FER: variants seen among roughly 807,000 people sequenced by gnomAD.
FER encodes the protein FER tyrosine kinase.
In FER, 63 loss-of-function variants were observed where a neutral mutation model predicts 111.0. That is an observed-to-expected ratio of 0.57 (90% CI 0.46 to 0.70). The LOEUF is 0.70. FER is among the 30% of genes least tolerant of loss of function. FER has a pLI of 0.00. For synonymous variants in FER, 327 were observed against 313.9 expected, an observed-to-expected ratio of 1.04 and a Z score of -0.44; for missense variants, 914 against 954.0, an observed-to-expected ratio of 0.96 and a Z score of 0.55.
chr5:109,010,236 C>G (rs1044883190), intron 13 of FER, among the ~76,000 whole-genome samples: 3 of 152,172 alleles, frequency 2.0e-5, no homozygotes, highest in Non-Finnish European at 4.4e-5. Context: ...CGGCCCACTG[C>G]AAGCTCCGCC....
intron 5 of FER, among the ~76,000 whole-genome samples, chr5:108,858,387 T>C (rs1056079129): frequency 6.6e-6 from 1 of 152,200 alleles, no homozygotes; most frequent in East Asian, 1.9e-4. Flanking sequence ...TTAAAGCTTT[T>C]TTTGTCTTTA....
intron 17 of FER, among the ~76,000 whole-genome samples, chr5:109,134,006 C>G (rs1462230376): frequency 6.6e-6 from 1 of 151,878 alleles, no homozygotes; most frequent in Non-Finnish European, 1.5e-5. Flanking sequence ...TAATTTTTCT[C>G]TCTTCCTAAG....
chr5:109,186,385 G>T, intron 19 of FER, 63 bp downstream of exon 19: 1 of 1,612,330 alleles, frequency 6.2e-7, no homozygotes, highest in Non-Finnish European at 8.5e-7. Context: ...AGTGCTTATA[G>T]TGTGTCTGCT....
At chr5:109,072,126 A>G (rs1003559648) in intron 16 of FER, among the ~76,000 whole-genome samples, 1 of 151,580 alleles carries the variant, frequency 6.6e-6, no homozygotes, top group Non-Finnish European at 1.5e-5. Context: ...TTTGGATATA[A>G]CTAACTAGAT....
intron 13 of FER, among the ~76,000 whole-genome samples, chr5:108,970,008 T>G (rs911238185): frequency 6.8e-6 from 1 of 148,034 alleles, no homozygotes; most frequent in African/African-American, 2.7e-5. Flanking sequence ...TGCTAATGTT[T>G]TGTAGAACAC....
intron 3 of FER, among the ~76,000 whole-genome samples, chr5:108,827,822 C>T (rs200393083): frequency 2.5e-5 from 3 of 121,612 alleles, no homozygotes; most frequent in Non-Finnish European, 3.3e-5. Context: ...GAGTTAGTAT[C>T]TTTTTTTTTT....
intron 3 of FER, among the ~76,000 whole-genome samples, chr5:108,801,307 C>T (rs547028512): frequency 1.3e-5 from 2 of 152,304 alleles, no homozygotes; most frequent in African/African-American, 4.8e-5. Context: ...AATCAGTTAA[C>T]CATAATGCGA....
intron 16 of FER, chr5:109,051,600 C>T (rs560493718): frequency 2.5e-6 from 4 of 1,604,696 alleles, no homozygotes; most frequent in African/African-American, 2.7e-5. Context: ...CATTAACCAG[C>T]TTGTACCCAG....
intron 17 of FER, among the ~76,000 whole-genome samples, chr5:109,105,397 T>C (rs1748787521): frequency 6.6e-6 from 1 of 152,118 alleles, no homozygotes. Context: ...GATTACCTAG[T>C]GTCTGAGCTT....
intron 13 of FER, among the ~76,000 whole-genome samples, chr5:109,030,096 C>A (rs1315602052): frequency 6.6e-6 from 1 of 152,098 alleles, no homozygotes; most frequent in Admixed American, 6.6e-5. Context: ...CTTCACTTTA[C>A]TATTGAGCCC....
chr5:109,009,666 A>T (rs1476736694), intron 13 of FER, among the ~76,000 whole-genome samples: 3 of 152,202 alleles, frequency 2.0e-5, no homozygotes, highest in African/African-American at 7.2e-5. Flanking sequence ...TTATTCCTGT[A>T]TAAGCCACCA....
At chr5:109,079,938 TTTTG>T (rs1298686171) in intron 16 of FER, among the ~76,000 whole-genome samples, 7 of 152,108 alleles carry the variant, frequency 4.6e-5, no homozygotes, top group African/African-American at 1.7e-4. Context: ...AGAAAGTAGT[TTTTG>T]TTTGCCAGCC....
At chr5:108,932,621 A>G (rs912231883) in intron 10 of FER, among the ~76,000 whole-genome samples, 2 of 152,222 alleles carry the variant, frequency 1.3e-5, no homozygotes, top group African/African-American at 4.8e-5. Flanking sequence ...TAGGTGAACT[A>G]ATTTACACTC....
intron 17 of FER, among the ~76,000 whole-genome samples, chr5:109,168,407 C>G: frequency 6.6e-6 from 1 of 152,038 alleles, no homozygotes; most frequent in Non-Finnish European, 1.5e-5. Flanking sequence ...TTGTCTCCAT[C>G]CCCCAATCTC....
In FER at chr5:108,914,573, A is replaced by C. The variant is rs111722545; in HGVS notation, c.1236+16725A>C. Reference sequence around the variant, plus strand: ...TTATTAAATTCTGAATGCCTCTTGGAGAAGTAGCATGTTAAGCATCATCAG... The same window carrying C: ...TTATTAAATTCTGAATGCCTCTTGGCGAAGTAGCATGTTAAGCATCATCAG... On this transcript the variant is annotated intron_variant, in intron 10 of 19. Coordinates refer to ENST00000281092, the MANE Select transcript of FER (RefSeq NM_005246.4). Among the ~76,000 whole-genome samples the C allele has an allele frequency of 2.1e-3, 323 of 152,262 alleles. 1 individual carries two copies. Among genetic ancestry groups the C allele is most frequent in the African/African-American group, 7.4e-3 (307 of 41,554 alleles).
At chr5:108,839,093 A>C (rs992732515) in intron 5 of FER, among the ~76,000 whole-genome samples, 4 of 152,086 alleles carry the variant, frequency 2.6e-5, no homozygotes, top group African/African-American at 9.7e-5. Flanking sequence ...GGATTCCCCC[A>C]CTGTTACCAT....
At chr5:109,006,430 C>T (rs749720687) in intron 13 of FER, among the ~76,000 whole-genome samples, 3 of 152,178 alleles carry the variant, frequency 2.0e-5, no homozygotes, top group Non-Finnish European at 4.4e-5. Flanking sequence ...CCATGTGAGA[C>T]AAGCCTTTGC....
intron 2 of FER, among the ~76,000 whole-genome samples, chr5:108,785,725 A>C (rs1754637740): frequency 6.6e-6 from 1 of 152,116 alleles, no homozygotes; most frequent in African/African-American, 2.4e-5. Flanking sequence ...TATTTGTCAG[A>C]GGGACATCTA....
chr5:109,128,472 T>C (rs929276991), intron 17 of FER, among the ~76,000 whole-genome samples: 14 of 152,286 alleles, frequency 9.2e-5, no homozygotes, highest in African/African-American at 3.1e-4. Flanking sequence ...GTCTCAGTAA[T>C]GTGATGATAT....
Sources: allele counts gnomAD v4.1 joint callset (sites outside exome capture counted in the v4.1 genomes callset), GRCh38; gene constraint gnomAD v4.1.1; transcripts MANE v1.5; gene names NCBI Gene and HGNC (gene_info 2026-07-23, HGNC 2026-07-21).